The following PABPC4L variants were observed in gnomAD, a reference collection of about 807,000 sequenced individuals.
PABPC4L encodes polyadenylate-binding protein 4-like.
For missense variants in PABPC4L, 452 were observed against 451.4 expected (o/e 1.00, Z -0.01); for synonymous variants, 169 against 164.1 (o/e 1.03, Z -0.23).
chr4:133,956,527 A>T, the PABPC4L span, among the ~76,000 whole-genome samples: 6 of 152,120 alleles, frequency 3.9e-5, no homozygotes, highest in East Asian at 1.2e-3. Context: ...CAGAAACAGG[A>T]TGGTCACTCT....
the PABPC4L span, among the ~76,000 whole-genome samples, chr4:134,010,454 G>A: frequency 3.3e-5 from 5 of 152,136 alleles, no homozygotes; most frequent in East Asian, 9.7e-4. Context: ...TATTTTATTA[G>A]TCAAAATAAT....
chr4:134,137,847 T>C, the PABPC4L span, among the ~76,000 whole-genome samples: 2 of 151,822 alleles, frequency 1.3e-5, no homozygotes, highest in East Asian at 3.9e-4. Context: ...ATACCCATTA[T>C]ACAAAATTTA....
the PABPC4L span, among the ~76,000 whole-genome samples, chr4:134,011,754 G>C: frequency 6.6e-6 from 1 of 152,054 alleles, no homozygotes; most frequent in Non-Finnish European, 1.5e-5. Context: ...ACCCAGAAGA[G>C]TAATTTAACG....
chr4:134,093,579 T>TG, the PABPC4L span, among the ~76,000 whole-genome samples: 1 of 150,560 alleles, frequency 6.6e-6, no homozygotes. Context: ...CTCTTTTTTT[T>TG]TTTTCTTTTT....
chr4:134,135,197 C>T, the PABPC4L span, among the ~76,000 whole-genome samples: 6 of 151,990 alleles, frequency 3.9e-5, no homozygotes, highest in African/African-American at 1.4e-4. Context: ...AAACAAGCTG[C>T]TCTGCTACCG....
the PABPC4L span, among the ~76,000 whole-genome samples, chr4:134,173,192 T>TAAAAAAAAA: frequency 9.9e-6 from 1 of 101,144 alleles, no homozygotes. Context: ...AAACTGAAAA[T>TAAAAAAAAA]AGAACTACCA....
the PABPC4L span, among the ~76,000 whole-genome samples, chr4:134,015,932 T>TA: frequency 1.3e-5 from 2 of 152,108 alleles, no homozygotes; most frequent in Non-Finnish European, 1.5e-5. Context: ...CTGACACATA[T>TA]ACTTTCTGCT....
At chr4:133,975,705 A>G in the PABPC4L span, among the ~76,000 whole-genome samples, 3 of 152,094 alleles carry the variant, frequency 2.0e-5, no homozygotes, top group African/African-American at 7.2e-5. Context: ...TAAGGCAATA[A>G]AAGGAATCCT....
the PABPC4L span, among the ~76,000 whole-genome samples, chr4:134,163,092 T>C: frequency 1.3e-5 from 2 of 152,084 alleles, no homozygotes; most frequent in South Asian, 2.1e-4. Flanking sequence ...AAATAATAAA[T>C]AAAATTGATA....
the PABPC4L span, among the ~76,000 whole-genome samples, chr4:134,032,010 A>G: frequency 6.6e-6 from 1 of 151,870 alleles, no homozygotes; most frequent in African/African-American, 2.4e-5. Context: ...TTTATTCATA[A>G]TATCTTATAT....
At chr4:134,195,400 T>G (rs1331936346), downstream of PABPC4L, among the ~76,000 whole-genome samples, 1 of 151,694 alleles carries the variant, frequency 6.6e-6, no homozygotes. Flanking sequence ...AGATACTGAT[T>G]GTAAAAACAA....
At chr4:133,977,200 G>T in the PABPC4L span, among the ~76,000 whole-genome samples, 1 of 151,966 alleles carries the variant, frequency 6.6e-6, no homozygotes, top group African/African-American at 2.4e-5. Context: ...TTTTTGTCTT[G>T]TTTGTTGAAG....
At chr4:133,955,022 C>G in the PABPC4L span, among the ~76,000 whole-genome samples, 1 of 152,012 alleles carries the variant, frequency 6.6e-6, no homozygotes, top group South Asian at 2.1e-4. Flanking sequence ...ATTTTTGTTC[C>G]TATTACAAAC....
the PABPC4L span, among the ~76,000 whole-genome samples, chr4:134,157,135 A>G: frequency 6.6e-6 from 1 of 151,902 alleles, no homozygotes; most frequent in African/African-American, 2.4e-5. Context: ...GAAATAATGT[A>G]GTTTTATTTG....
At chr4:134,178,670 A>C in the PABPC4L span, among the ~76,000 whole-genome samples, 1 of 152,162 alleles carries the variant, frequency 6.6e-6, no homozygotes, top group African/African-American at 2.4e-5. Context: ...ACAGGAGTTG[A>C]AAAATCAAAT....
the PABPC4L span, among the ~76,000 whole-genome samples, chr4:134,017,759 C>T: frequency 6.6e-6 from 1 of 151,910 alleles, no homozygotes; most frequent in South Asian, 2.1e-4. Context: ...ACAAATGTTT[C>T]TTCTAAAAAC....
At chr4:134,137,261 T>C in the PABPC4L span, among the ~76,000 whole-genome samples, 3 of 151,974 alleles carry the variant, frequency 2.0e-5, no homozygotes, top group Non-Finnish European at 4.4e-5. Flanking sequence ...GATATGTTTC[T>C]CTCCAGATTT....
At chr4:133,950,427 A>G in the PABPC4L span, among the ~76,000 whole-genome samples, 13 of 152,150 alleles carry the variant, frequency 8.5e-5, no homozygotes, top group African/African-American at 2.7e-4. Flanking sequence ...ATTCTTTGGC[A>G]GATCACACAA....
Position 134,201,153 on chromosome 4 carries a change from G to A in PABPC4L, c.-134C>T, listed in dbSNP as rs1729867236. The A allele has an allele frequency of 4.5e-6, 7 of 1,549,798 alleles. No individual in the cohort carries two copies. The highest frequency in any genetic ancestry group is 1.2e-5 in the South Asian group (1 of 83,220). On this transcript the variant is annotated 5_prime_UTR_variant, in exon 2 of 2. Transcript: ENST00000421491. Reference sequence around the variant, plus strand: ...ATCACCACACAAAGGCCAAGCAATGGAGTTCAGACACGACTCCCCCAGCTC... The same window carrying A: ...ATCACCACACAAAGGCCAAGCAATGAAGTTCAGACACGACTCCCCCAGCTC...
Sources: gnomAD v4.1 joint callset for allele counts (sites outside exome capture counted in the v4.1 genomes callset) on GRCh38, gnomAD v4.1.1 for gene constraint, MANE v1.5 for transcripts, NCBI Gene and HGNC (gene_info 2026-07-23, HGNC 2026-07-21) for gene names.